The following AXDND1 variants were observed in gnomAD, a reference collection of about 807,000 sequenced individuals.
AXDND1 encodes axonemal dynein light chain domain-containing protein 1.
Under a neutral mutation model 137.5 loss-of-function variants are expected in AXDND1, and 110 were observed. The observed-to-expected ratio is 0.80, with a 90% confidence interval of 0.69 to 0.94. The LOEUF (loss-of-function observed/expected upper bound fraction) is 0.94. Among genes scored for constraint, AXDND1 ranks in the 40% least tolerant of loss-of-function variants. AXDND1 has a pLI of 0.00. For synonymous variants in AXDND1, 414 were observed against 399.7 expected (o/e 1.04, Z -0.43); for missense variants, 1,191 against 1,169.8 (o/e 1.02, Z -0.26).
At chr1:179,467,245 A>T (rs12131512) in intron 16 of AXDND1, among the ~76,000 whole-genome samples, 1 of 151,964 alleles carries the variant, frequency 6.6e-6, no homozygotes, top group African/African-American at 2.4e-5. Flanking sequence ...CAATTGTTCA[A>T]TTTAAAACTG....
intron 17 of AXDND1, 73 bp from the exon 18 acceptor site, chr1:179,483,055 T>G: frequency 9.8e-7 from 1 of 1,020,274 alleles, no homozygotes; most frequent in Non-Finnish European, 1.4e-6. Context: ...ATAAAACTCT[T>G]TCTCATAGCT....
At chr1:179,389,236 G>T (rs1212655254) in intron 9 of AXDND1, among the ~76,000 whole-genome samples, 1 of 151,986 alleles carries the variant, frequency 6.6e-6, no homozygotes, top group South Asian at 2.1e-4. Flanking sequence ...GCCCCACAAA[G>T]TGCTGGGACT....
chr1:179,490,762 G>GTTTTTTTTT (rs34944088), intron 18 of AXDND1, among the ~76,000 whole-genome samples: 1 of 146,642 alleles, frequency 6.8e-6, no homozygotes. Flanking sequence ...CACAGTACTT[G>GTTTTTTTTT]TTTTTTTTTT....
In AXDND1 at chr1:179,438,717, A is replaced by G. The variant is rs548295168; in HGVS notation, c.1564-6253A>G. Among the ~76,000 whole-genome samples, 8 of 150,014 alleles carry G rather than the reference A, an allele frequency of 5.3e-5. No individual in the cohort carries two copies. The East Asian group carries it at 6.3e-4, about 12-fold the overall frequency. The stretch of plus-strand genomic sequence containing the variant: ...AAAGTAGGGATATTATGTGTTTGCA[A>G]TGTGCTATGATTAATGCAGTGATAT... On this transcript the variant is annotated intron_variant, in intron 15 of 25. Coordinates refer to ENST00000367618, the MANE Select transcript of AXDND1 (RefSeq NM_144696.6).
intron 4 of AXDND1, among the ~76,000 whole-genome samples, chr1:179,375,675 A>C (rs765711211): frequency 6.6e-6 from 1 of 152,088 alleles, no homozygotes; most frequent in African/African-American, 2.4e-5. Flanking sequence ...AAACAATTGT[A>C]ATGGCCAACT....
intron 16 of AXDND1, chr1:179,449,334 A>G: frequency 3.3e-6 from 1 of 304,952 alleles, no homozygotes. Context: ...TCAGTTAACC[A>G]GAGATCTCTG....
intron 20 of AXDND1, among the ~76,000 whole-genome samples, chr1:179,496,329 C>G (rs1463590635): frequency 6.6e-6 from 1 of 151,988 alleles, no homozygotes; most frequent in African/African-American, 2.4e-5. Context: ...AGTGAAGCAT[C>G]TGGGCATTGT....
Position 179,430,598 on chromosome 1 carries a change from G to A in AXDND1, c.1479G>A (p.Glu493=), listed in dbSNP as rs1012475604. ...AGGATGGGCTTATCAAATGGCAGGA[G>A]TTCTTCAAGTGAGTCACCAAGAATC... ...IVKDGLIKWQ[E]FFNEKDILSP... is the part of the protein sequence containing the mutation. Residue 493 remains glutamate (E), a synonymous_variant, in exon 14 of 26, where the codon GAG becomes GAA. Transcript: ENST00000367618. 9.9e-6 allele frequency: 16 copies of A among 1,608,524 alleles called. No homozygotes were observed. The highest frequency in any genetic ancestry group is 1.7e-5 in the Admixed American group (1 of 58,030).
At chr1:179,375,274 C>G (rs1668475753) in intron 4 of AXDND1, among the ~76,000 whole-genome samples, 1 of 151,584 alleles carries the variant, frequency 6.6e-6, no homozygotes, top group Non-Finnish European at 1.5e-5. Context: ...AGTTTTTTAA[C>G]TTTATTTTTA....
At chr1:179,531,523 C>T (rs953891576) in intron 23 of AXDND1, among the ~76,000 whole-genome samples, 4 of 152,074 alleles carry the variant, frequency 2.6e-5, no homozygotes, top group Non-Finnish European at 5.9e-5. Flanking sequence ...TTTATCTTAC[C>T]ATCATAATTT....
At chr1:179,445,508 C>G (rs889833920) in intron 16 of AXDND1, among the ~76,000 whole-genome samples, 8 of 152,066 alleles carry the variant, frequency 5.3e-5, no homozygotes, top group South Asian at 2.1e-4. Context: ...CTCTTTAGCT[C>G]TCACCCTCTT....
At chr1:179,528,750 C>A (rs145490553) in intron 23 of AXDND1, among the ~76,000 whole-genome samples, 34 of 149,696 alleles carry the variant, frequency 2.3e-4, no homozygotes, top group African/African-American at 8.3e-4. Context: ...TGCTACCATG[C>A]CCGGCTAATT....
chr1:179,489,801 A>G (rs1572056599), intron 18 of AXDND1, among the ~76,000 whole-genome samples: 1 of 37,928 alleles, frequency 2.6e-5, no homozygotes, highest in Non-Finnish European at 5.9e-5. Context: ...GCTGGAGTGC[A>G]GTGGAACCGT....
intron 25 of AXDND1, chr1:179,551,553 G>T (rs1673286544): frequency 2.9e-6 from 4 of 1,365,590 alleles, no homozygotes; most frequent in African/African-American, 1.4e-5. Context: ...CATCTACTAT[G>T]TGGCAAGCAC....
intron 11 of AXDND1, among the ~76,000 whole-genome samples, chr1:179,405,949 T>C (rs1652887608): frequency 6.6e-6 from 1 of 152,096 alleles, no homozygotes. Context: ...CCTGGAATAA[T>C]AAACAATCAT....
intron 4 of AXDND1, among the ~76,000 whole-genome samples, chr1:179,377,329 T>G (rs1461414097): frequency 2.0e-5 from 3 of 152,246 alleles, no homozygotes; most frequent in Non-Finnish European, 2.9e-5. Context: ...ATTAGTGTTC[T>G]TAGCTCGCAG....
chr1:179,495,961 A>G (rs1270341156), intron 20 of AXDND1, among the ~76,000 whole-genome samples: 1 of 135,256 alleles, frequency 7.4e-6, no homozygotes, highest in Non-Finnish European at 1.5e-5. Context: ...CGCTGCATCT[A>G]TTGAGATGCT....
intron 16 of AXDND1, chr1:179,448,607 G>A (rs577044706): frequency 1.1e-3 from 302 of 265,162 alleles, no homozygotes; most frequent in African/African-American, 6.6e-3. Flanking sequence ...GCACGCACAC[G>A]CTGCAGCCTG....
chr1:179,485,382 T>C (rs996739567), intron 18 of AXDND1, among the ~76,000 whole-genome samples: 2 of 152,210 alleles, frequency 1.3e-5, no homozygotes, highest in Non-Finnish European at 2.9e-5. Flanking sequence ...GGGGACCTGA[T>C]ACCAGACCCT....
Sources: gnomAD v4.1 joint callset for allele counts (sites outside exome capture counted in the v4.1 genomes callset) on GRCh38, gnomAD v4.1.1 for gene constraint, MANE v1.5 for transcripts, NCBI Gene and HGNC (gene_info 2026-07-23, HGNC 2026-07-21) for gene names.